The following BRSK1 variants were observed in gnomAD, a reference collection of about 807,000 sequenced individuals.
BRSK1 encodes BR serine/threonine kinase 1, also known as serine/threonine-protein kinase BRSK1.
Under a neutral mutation model 86.2 loss-of-function variants are expected in BRSK1, and 17 were observed. The ratio of observed to expected loss-of-function variants is 0.20; its 90% CI spans 0.14 to 0.30. The LOEUF is 0.30. Among genes scored for constraint, BRSK1 ranks in the 10% least tolerant of loss-of-function variants. The pLI is 1.00. For missense variants in BRSK1, 719 were observed against 1,071.9 expected (o/e 0.67, Z 4.60); for synonymous variants, 464 against 440.1 (o/e 1.05, Z -0.68).
chr19:55,304,618 C>G lies in BRSK1; in HGVS notation c.1415C>G (p.Thr472Ser), dbSNP rs1266937949. 1 of 1,555,208 alleles carries G rather than the reference C, an allele frequency of 6.4e-7. No individual in the cohort carries two copies. The highest frequency in any genetic ancestry group is 2.0e-5 in the Admixed American group (1 of 50,778). The change falls in exon 14 of 19, where the codon ACT (threonine) becomes AGT (serine). Residue 472 changes from threonine to serine, a missense_variant. Transcript: ENST00000309383. This position sits in a 1 kb window ranked among gnomAD's most constrained non-coding sequence, Gnocchi z 5.2. ...GDEARGGGSP[T>S]SKTQTLPSRG... ...GAGGCTCGAGGCGGGGGCTCCCCGA[C>G]TTCCAAAACGCAGACGCTGCCTTCT...
At position 55,308,744 on chromosome 19, in the gene BRSK1, G is replaced by T. The variant is rs577384206; in HGVS notation, c.2179+16G>T. On this transcript the variant is annotated intron_variant, in intron 18 of 18. Transcript: ENST00000309383. ...GCCCTGGCAGGTGGGTGGTGGGGCCGTGGGTGGTGGGGGGCGTGGGTGGCG... is the reference window on the plus strand; with the variant it reads ...GCCCTGGCAGGTGGGTGGTGGGGCCTTGGGTGGTGGGGGGCGTGGGTGGCG... 1 of 1,291,026 alleles carries T rather than the reference G, an allele frequency of 7.7e-7. No homozygotes were observed. Among genetic ancestry groups the T allele is most frequent in the East Asian group, 3.4e-5 (1 of 29,542 alleles). 80.0% of individuals were successfully genotyped at this position (1,291,026 alleles called of 1,614,324 possible). A position where few individuals can be genotyped will look rare whatever the true frequency, so the allele number is the denominator to read the frequency against.
chr19:55,306,498 A>G lies in BRSK1; in HGVS notation c.2089+48A>G. On this transcript the variant is annotated intron_variant, in intron 17 of 18. Transcript: ENST00000309383. This position sits in a 1 kb window ranked among gnomAD's most constrained non-coding sequence, Gnocchi z 4.7. ...CTGCAGCCCAGTGCTGGGACTGTTC[A>G]CGACAGCTGAGACAGTGTAGGGGCC... 6.3e-7 allele frequency: 1 copy of G among 1,596,262 alleles called. No individual in the cohort carries two copies. The highest frequency in any genetic ancestry group is 2.2e-5 in the East Asian group (1 of 44,786).
chr19:55,305,253 A>T, intron 14 of BRSK1, 68 bp from the exon 15 acceptor site: 3 of 1,587,676 alleles, frequency 1.9e-6, no homozygotes, highest in Non-Finnish European at 2.6e-6. Flanking sequence ...GGGCGAGTGC[A>T]GGCCTGTGTG....
intron 16 of BRSK1, 29 bp downstream of exon 16, chr19:55,305,615 G>A (rs781514019): frequency 1.2e-6 from 2 of 1,613,328 alleles, no homozygotes; most frequent in Admixed American, 1.7e-5. Context: ...CATCGAGCCT[G>A]GCCCCCGCAG....
Position 55,287,658 on chromosome 19 carries a change from T to TA in BRSK1, c.317+360dup, listed in dbSNP as rs528267170. Among the ~76,000 whole-genome samples the TA allele has an allele frequency of 2.0e-5, 3 of 152,242 alleles. No homozygotes were observed. Among genetic ancestry groups the TA allele is most frequent in the Non-Finnish European group, 4.4e-5 (3 of 68,034 alleles). ...CCTCCTGTTTGTAAGGCAAGGGGCC[T>TA]AGCAAAGCCCAAAGGATCTTCCCAA... is the stretch of plus-strand genomic sequence containing the variant. On this transcript the variant is annotated intron_variant, in intron 3 of 18. Transcript: ENST00000309383. This position sits in a 1 kb window ranked among gnomAD's most constrained non-coding sequence, Gnocchi z 5.3.
At chr19:55,289,701 A>G (rs2088375666) in intron 4 of BRSK1, 81 bp downstream of exon 4, 5 of 1,537,306 alleles carry the variant, frequency 3.3e-6, no homozygotes, top group Non-Finnish European at 4.4e-6. Context: ...AGGGCTGAGC[A>G]AAAGCCATGT....
In BRSK1 at chr19:55,304,627, C is replaced by T. The variant is rs766247198; in HGVS notation, c.1424C>T (p.Thr475Met). 3.9e-6 allele frequency: 6 copies of T among 1,544,376 alleles called. No individual in the cohort carries two copies. The highest frequency in any genetic ancestry group is 1.4e-5 in the African/African-American group (1 of 71,840). The stretch of plus-strand genomic sequence containing the variant: ...GGCGGGGGCTCCCCGACTTCCAAAA[C>T]GCAGACGCTGCCTTCTCGGGGCCCC... ...ARGGGSPTSK[T>M]QTLPSRGPRG... The change falls in exon 14 of 19, where the codon ACG becomes ATG. Residue 475 changes from threonine (T) to methionine (M), a missense_variant. Transcript: ENST00000309383. This position sits in a 1 kb window ranked among gnomAD's most constrained non-coding sequence, Gnocchi z 5.2.
At chr19:55,290,886 C>G (rs2088395446) in intron 4 of BRSK1, among the ~76,000 whole-genome samples, 1 of 152,078 alleles carries the variant, frequency 6.6e-6, no homozygotes, top group Non-Finnish European at 1.5e-5. Flanking sequence ...CGTAATCCGT[C>G]CGCCTCGGCC....
At chr19:55,297,062 C>T (rs1357470708) in intron 7 of BRSK1, among the ~76,000 whole-genome samples, 3 of 151,988 alleles carry the variant, frequency 2.0e-5, no homozygotes, top group African/African-American at 4.8e-5. Context: ...AAAAAGAATA[C>T]ATAAGTTTTT....
In BRSK1 at chr19:55,312,226, A is replaced by C; in HGVS notation, c.*158A>C. On this transcript the variant is annotated 3_prime_UTR_variant, in exon 19 of 19. Transcript: ENST00000309383. ...GATGGGGCTCCACAGGCCGTGCCCA[A>C]CTGGGGGTGGTTCTAGGGGAACAGG... The C allele has an allele frequency of 1.1e-4, 43 of 386,804 alleles. No homozygotes were observed. The highest frequency in any genetic ancestry group is 2.9e-4 in the East Asian group (7 of 23,872). The allele number at this position is 386,804 out of a possible 1,614,324, so 24.0% of individuals were successfully genotyped here.
intron 18 of BRSK1, among the ~76,000 whole-genome samples, chr19:55,311,128 A>C: frequency 6.6e-6 from 1 of 151,916 alleles, no homozygotes; most frequent in East Asian, 1.9e-4. Flanking sequence ...CACCCGGCTA[A>C]TTTTTGTATT....
chr19:55,306,501 A>G lies in BRSK1; in HGVS notation c.2089+51A>G. 2 of 1,589,754 alleles carry G rather than the reference A, an allele frequency of 1.3e-6. No homozygotes were observed. The highest frequency in any genetic ancestry group is 1.7e-6 in the Non-Finnish European group (2 of 1,167,338). ...CAGCCCAGTGCTGGGACTGTTCACG[A>G]CAGCTGAGACAGTGTAGGGGCCCAG... On this transcript the variant is annotated intron_variant, in intron 17 of 18. Transcript: ENST00000309383. The surrounding 1 kb of genome is among the most constrained non-coding windows in gnomAD (Gnocchi z 4.7).
rs769989334 is a variant in BRSK1, at chr19:55,303,764, CG to C, written c.1229del (p.Gly410ValfsTer36). 1 of 1,612,908 alleles carries C rather than the reference CG, an allele frequency of 6.2e-7. No individual in the cohort carries two copies. Among genetic ancestry groups the C allele is most frequent in the Non-Finnish European group, 8.5e-7 (1 of 1,179,376 alleles). Reference protein sequence around the residue: ...SMEVLSITDAGGGGSPVPTRR... With the variant: ...SMEVLSITDAXGGGSPVPTRR... ...TGGAAGTCCTGAGCATCACCGATGC[CG>C]GGGGTGGTGGCTCCCCTGTACCCAC... On this transcript the variant is annotated frameshift_variant, in exon 12 of 19. Coordinates refer to ENST00000309383, the MANE Select transcript of BRSK1 (RefSeq NM_032430.2). LOFTEE classifies it high-confidence loss of function. This position sits in a 1 kb window ranked among gnomAD's most constrained non-coding sequence, Gnocchi z 5.1.
At chr19:55,311,422 C>G (rs7252582) in intron 18 of BRSK1, among the ~76,000 whole-genome samples, 18,234 of 152,140 alleles carry the variant, frequency 0.12, 1,278 homozygotes, top group African/African-American at 0.19. Flanking sequence ...TGACCTGAGT[C>G]AGGCTGGCCC....
At chr19:55,288,492 A>G (rs953175392) in intron 3 of BRSK1, among the ~76,000 whole-genome samples, 1 of 149,758 alleles carries the variant, frequency 6.7e-6, no homozygotes, top group South Asian at 2.1e-4. Flanking sequence ...AAAAAAAAAA[A>G]CTCCAAACAA....
At position 55,304,214 on chromosome 19, in the gene BRSK1, G is replaced by A. The variant is rs2088613334; in HGVS notation, c.1347+104G>A. The stretch of plus-strand genomic sequence containing the variant: ...CAATTCCTGTGCAGTCTTGAGACTT[G>A]CTTCTTTGTCCCTGGAGGGCCAAAG... On this transcript the variant is annotated intron_variant, in intron 13 of 18. Transcript: ENST00000309383. This position sits in a 1 kb window ranked among gnomAD's most constrained non-coding sequence, Gnocchi z 5.2. The A allele has an allele frequency of 1.6e-6, 2 of 1,246,174 alleles. No homozygotes were observed. Among genetic ancestry groups the A allele is most frequent in the Non-Finnish European group, 2.2e-6 (2 of 902,214 alleles). 77.2% of individuals were successfully genotyped at this position (1,246,174 alleles called of 1,614,324 possible). A position where few individuals can be genotyped will look rare whatever the true frequency, so the allele number is the denominator to read the frequency against.
chr19:55,303,957 C>A lies in BRSK1; in HGVS notation c.1287-93C>A. On this transcript the variant is annotated intron_variant, in intron 12 of 18. Coordinates refer to ENST00000309383, the MANE Select transcript of BRSK1 (RefSeq NM_032430.2). This position sits in a 1 kb window ranked among gnomAD's most constrained non-coding sequence, Gnocchi z 5.1. ...ACCTCCCCTCTCTGGGCCTCATTTC[C>A]TCACCTGGAAGGACTGTAGAAGTGA... The A allele has an allele frequency of 6.6e-7, 1 of 1,514,158 alleles. No individual in the cohort carries two copies. Among genetic ancestry groups the A allele is most frequent in the Non-Finnish European group, 8.9e-7 (1 of 1,126,230 alleles). 93.8% of individuals were successfully genotyped at this position (1,514,158 alleles called of 1,614,324 possible). A position where few individuals can be genotyped will look rare whatever the true frequency, so the allele number is the denominator to read the frequency against.
In BRSK1 at chr19:55,306,469, C is replaced by T; in HGVS notation, c.2089+19C>T. On this transcript the variant is annotated intron_variant, in intron 17 of 18. Transcript: ENST00000309383. The surrounding 1 kb of genome is among the most constrained non-coding windows in gnomAD (Gnocchi z 4.7). ...ATCTCGGGTGAGTCTCTTGGCTAGG[C>T]TGCCTGCAGCCCAGTGCTGGGACTG... 1 of 1,609,814 alleles carries T rather than the reference C, an allele frequency of 6.2e-7. No individual in the cohort carries two copies. Among genetic ancestry groups the T allele is most frequent in the Non-Finnish European group, 8.5e-7 (1 of 1,179,776 alleles).
intron 1 of BRSK1, among the ~76,000 whole-genome samples, chr19:55,285,272 C>T (rs949893541): frequency 1.3e-5 from 2 of 151,630 alleles, no homozygotes; most frequent in African/African-American, 4.9e-5. Flanking sequence ...GGCCTGGACT[C>T]CTGAGTCTGA....
Sources: allele counts gnomAD v4.1 joint callset (sites outside exome capture counted in the v4.1 genomes callset), GRCh38; gene constraint gnomAD v4.1.1; non-coding constraint Gnocchi (gnomAD v3.1); transcripts MANE v1.5; gene names NCBI Gene and HGNC (gene_info 2026-07-23, HGNC 2026-07-21).